The following STARD13 variants were observed in gnomAD, a reference collection of about 807,000 sequenced individuals.
STARD13 encodes the protein StAR related lipid transfer domain containing 13.
Under a neutral mutation model 106.4 loss-of-function variants are expected in STARD13, and 62 were observed. The observed-to-expected ratio is 0.58, with a 90% CI of 0.48 to 0.72. STARD13 has a LOEUF of 0.72. STARD13 is among the 30% of genes least tolerant of loss of function. The pLI, the probability that STARD13 is intolerant of heterozygous loss-of-function variation, is 0.00. For synonymous variants in STARD13, 565 were observed against 553.0 expected (o/e 1.02, Z -0.31); for missense variants, 1,387 against 1,424.0 (o/e 0.97, Z 0.42).
chr13:33,365,322 T>G, the STARD13 span, among the ~76,000 whole-genome samples: 1 of 152,128 alleles, frequency 6.6e-6, no homozygotes, highest in Non-Finnish European at 1.5e-5. Flanking sequence ...TGCTGGAAGA[T>G]TTTTCTAGAG....
intron 3 of STARD13, among the ~76,000 whole-genome samples, chr13:33,161,469 C>A (rs58783230): frequency 0.016 from 2,390 of 152,198 alleles, 66 homozygotes; most frequent in African/African-American, 0.054. Flanking sequence ...TGTGTGCCAC[C>A]ATGCCCAGCT....
intron 1 of STARD13, among the ~76,000 whole-genome samples, chr13:33,255,446 G>T (rs868157938): frequency 2.6e-4 from 39 of 151,876 alleles, no homozygotes; most frequent in African/African-American, 9.2e-4. Flanking sequence ...CATCCTCCAG[G>T]GCCCGCACAC....
At chr13:33,228,645 C>T (rs1158188376) in intron 1 of STARD13, among the ~76,000 whole-genome samples, 1 of 152,186 alleles carries the variant, frequency 6.6e-6, no homozygotes, top group African/African-American at 2.4e-5. Context: ...AAATTAAATA[C>T]TAAATGAATA....
the STARD13 span, among the ~76,000 whole-genome samples, chr13:33,610,344 A>G: frequency 2.6e-5 from 4 of 152,240 alleles, no homozygotes; most frequent in African/African-American, 9.6e-5. Context: ...TTCCAGTAAT[A>G]CTAACATCTA....
intron 1 of STARD13, among the ~76,000 whole-genome samples, chr13:33,247,221 T>A (rs368606941): frequency 4.2e-4 from 38 of 90,692 alleles, no homozygotes; most frequent in East Asian, 2.5e-3. Flanking sequence ...ATAAATAAAT[T>A]AAATAAATAA....
At chr13:33,267,184 G>A (rs1013696192) in intron 1 of STARD13, among the ~76,000 whole-genome samples, 8 of 152,154 alleles carry the variant, frequency 5.3e-5, no homozygotes, top group Middle Eastern at 3.2e-3. Context: ...AAAAGGGAGA[G>A]GGTTCCCTGT....
chr13:33,460,690 AT>A, the STARD13 span, among the ~76,000 whole-genome samples: 16 of 150,534 alleles, frequency 1.1e-4, no homozygotes, highest in Non-Finnish European at 2.1e-4. Flanking sequence ...AATATGCTAC[AT>A]TTTTTTTCTA....
rs186658059 is a variant in STARD13 at position 33,153,910 on chromosome 13, C to T, written c.323+11427G>A. ...GGGGAGTGTTCCGGGTGGGGCCCTC[C>T]AAGACATTCAGGAACCTAAGTCACT... On this transcript the variant is annotated intron_variant, in intron 3 of 13. Coordinates refer to ENST00000336934, the MANE Select transcript of STARD13 (RefSeq NM_178006.4). 2.8e-4 allele frequency among the ~76,000 whole-genome samples: 43 copies of T among 152,288 alleles called. No individual in the cohort carries two copies. The East Asian group carries it at 7.4e-3, about 26-fold the overall frequency.
intron 1 of STARD13, chr13:33,205,716 A>G (rs1887369573): frequency 2.9e-6 from 1 of 344,500 alleles, no homozygotes; most frequent in African/African-American, 2.2e-5. Flanking sequence ...GTCCACTACA[A>G]AGAAAACTTT....
At position 33,290,846 on chromosome 13, in the gene STARD13, G is replaced by T. The variant is rs182562082; in HGVS notation, c.124+59444C>A. 1.7e-3 allele frequency among the ~76,000 whole-genome samples: 259 copies of T among 152,334 alleles called. 2 individuals are homozygous for T. Among genetic ancestry groups the T allele is most frequent in the African/African-American group, 5.7e-3 (239 of 41,584 alleles). On this transcript the variant is annotated intron_variant, in intron 1 of 5. Transcript: ENST00000567873. ...TTTTCTCAGTTGTTTCACAGATCTA[G>T]AATTGTGTGATTCCCTTCTCTTCCA... is the stretch of plus-strand genomic sequence containing the variant.
the STARD13 span, among the ~76,000 whole-genome samples, chr13:33,520,596 G>T: frequency 6.6e-6 from 1 of 152,050 alleles, no homozygotes; most frequent in Non-Finnish European, 1.5e-5. Flanking sequence ...TGCCCCTCGG[G>T]TAGTGCTACC....
intron 3 of STARD13, among the ~76,000 whole-genome samples, chr13:33,145,186 T>A (rs1812385295): frequency 6.6e-6 from 1 of 152,088 alleles, no homozygotes; most frequent in African/African-American, 2.4e-5. Flanking sequence ...CAGTAACAAG[T>A]CAAACAACCT....
At chr13:33,337,856 T>C (rs371167684) in intron 1 of STARD13, among the ~76,000 whole-genome samples, 21 of 152,338 alleles carry the variant, frequency 1.4e-4, no homozygotes, top group African/African-American at 4.8e-4. Context: ...AATGTGGGCC[T>C]TCCATTCAAT....
the STARD13 span, among the ~76,000 whole-genome samples, chr13:33,464,707 G>A: frequency 6.6e-6 from 1 of 152,144 alleles, no homozygotes; most frequent in Non-Finnish European, 1.5e-5. Context: ...AAATTAGCTA[G>A]GTGTGGTGGC....
At chr13:33,203,512 TA>T (rs1272345802) in intron 1 of STARD13, among the ~76,000 whole-genome samples, 1 of 150,798 alleles carries the variant, frequency 6.6e-6, no homozygotes, top group East Asian at 1.9e-4. Context: ...TCTGCACTAT[TA>T]TCCATTTTTT....
intron 1 of STARD13, among the ~76,000 whole-genome samples, chr13:33,322,305 C>T (rs1258078809): frequency 1.3e-5 from 2 of 152,210 alleles, no homozygotes; most frequent in Non-Finnish European, 2.9e-5. Flanking sequence ...GTCTTACTAA[C>T]ATGAGCCTTC....
the STARD13 span, among the ~76,000 whole-genome samples, chr13:33,363,716 G>A: frequency 6.6e-6 from 1 of 152,182 alleles, no homozygotes; most frequent in Non-Finnish European, 1.5e-5. Flanking sequence ...GCCCCACAAA[G>A]TAACAGTTTT....
At chr13:33,181,014 G>T (rs1473616535) in intron 1 of STARD13, among the ~76,000 whole-genome samples, 2 of 152,078 alleles carry the variant, frequency 1.3e-5, no homozygotes, top group African/African-American at 4.8e-5. Flanking sequence ...TAATTGAGAG[G>T]CCTGGGAAAC....
At chr13:33,391,596 G>T in the STARD13 span, among the ~76,000 whole-genome samples, 5 of 152,134 alleles carry the variant, frequency 3.3e-5, no homozygotes, top group Non-Finnish European at 5.9e-5. Flanking sequence ...AGTTATAAAT[G>T]ACCGTTAGGT....
Sources: gnomAD v4.1 joint callset for allele counts (sites outside exome capture counted in the v4.1 genomes callset) on GRCh38, gnomAD v4.1.1 for gene constraint, MANE v1.5 for transcripts, NCBI Gene and HGNC (gene_info 2026-07-23, HGNC 2026-07-21) for gene names.